The following ANK2 variants were observed in gnomAD, a reference collection of about 807,000 sequenced individuals.
ANK2 encodes the protein ankyrin-2.
Under a neutral mutation model 360.5 loss-of-function variants are expected in ANK2, and 83 were observed. The observed-to-expected ratio is 0.23, with a 90% confidence interval of 0.19 to 0.28. ANK2 has a LOEUF of 0.28. ANK2 is among the 10% of genes least tolerant of loss of function. The pLI is 1.00. For missense variants in ANK2, 4,201 were observed against 4,795.7 expected (o/e 0.88, Z 3.66); for synonymous variants, 1,740 against 1,759.5 (o/e 0.99, Z 0.28).
intron 2 of ANK2, among the ~76,000 whole-genome samples, chr4:113,023,362 C>T (rs375480081): frequency 4.6e-5 from 7 of 152,236 alleles, no homozygotes; most frequent in African/African-American, 1.2e-4. Context: ...ACCTCAGCCC[C>T]GTCTGTGTCC....
At chr4:113,218,016 A>G (rs2153476185) in intron 4 of ANK2, among the ~76,000 whole-genome samples, 2 of 152,310 alleles carry the variant, frequency 1.3e-5, no homozygotes, top group South Asian at 4.1e-4. Flanking sequence ...AGCAGCTTTT[A>G]AAGACCTTGG....
intron 2 of ANK2, among the ~76,000 whole-genome samples, chr4:113,178,644 C>G (rs1380090342): frequency 1.3e-5 from 2 of 150,972 alleles, no homozygotes; most frequent in Admixed American, 6.6e-5. Context: ...TAATACTATT[C>G]AAGACAGTAT....
chr4:113,108,131 G>A (rs370414562), intron 1 of ANK2, among the ~76,000 whole-genome samples: 2 of 152,070 alleles, frequency 1.3e-5, no homozygotes, highest in Non-Finnish European at 2.9e-5. Flanking sequence ...TTGGGGTTTA[G>A]CTTTGTGTTT....
the ANK2 span, among the ~76,000 whole-genome samples, chr4:112,719,440 A>C: frequency 3.4e-3 from 525 of 152,220 alleles, 2 homozygotes; most frequent in Admixed American, 7.1e-3. Flanking sequence ...TAAAGAAGGT[A>C]TAATTCGGCC....
At chr4:113,238,527 T>G (rs181425454) in intron 7 of ANK2, among the ~76,000 whole-genome samples, 2 of 152,318 alleles carry the variant, frequency 1.3e-5, no homozygotes, top group African/African-American at 4.8e-5. Flanking sequence ...AAAGCCCAAC[T>G]GCTTGGTGAA....
chr4:113,344,976 C>G (rs1297203333), intron 34 of ANK2, among the ~76,000 whole-genome samples: 1 of 152,020 alleles, frequency 6.6e-6, no homozygotes, highest in African/African-American at 2.4e-5. Context: ...TTAACAAGTT[C>G]TAAAGATGGA....
the ANK2 span, among the ~76,000 whole-genome samples, chr4:112,709,826 A>T: frequency 6.6e-6 from 1 of 152,206 alleles, no homozygotes; most frequent in Non-Finnish European, 1.5e-5. Context: ...GATGGGTGTT[A>T]TCATGGCATT....
Position 113,325,746 on chromosome 4 carries a change from G to A in ANK2, c.2901-4500G>A, listed in dbSNP as rs114476657. Among the ~76,000 whole-genome samples the A allele has an allele frequency of 8.9e-3, 1,347 of 152,174 alleles. 13 individuals carry two copies. The highest frequency in any genetic ancestry group is 0.031 in the African/African-American group (1,272 of 41,520). On this transcript the variant is annotated intron_variant, in intron 26 of 45. Coordinates refer to ENST00000357077, the MANE Select transcript of ANK2 (RefSeq NM_001148.6). ...AGATATTTAAAATATGTAAAATCCC[G>A]TAAGTGTAGAGAAAGGAAGATGATG...
At chr4:112,757,139 T>C in the ANK2 span, among the ~76,000 whole-genome samples, 1 of 145,454 alleles carries the variant, frequency 6.9e-6, no homozygotes, top group African/African-American at 2.6e-5. Context: ...TGATACGGAG[T>C]TTTGCTCTTG....
chr4:112,975,407 A>G (rs1042573744), intron 2 of ANK2, among the ~76,000 whole-genome samples: 2 of 152,326 alleles, frequency 1.3e-5, no homozygotes, highest in East Asian at 1.9e-4. Context: ...TGAGGTATAT[A>G]TGAAGGTTAC....
At chr4:113,026,116 C>T (rs1369496451) in intron 2 of ANK2, among the ~76,000 whole-genome samples, 1 of 152,074 alleles carries the variant, frequency 6.6e-6, no homozygotes, top group African/African-American at 2.4e-5. Context: ...AACACAAATG[C>T]CGTAATACGT....
At chr4:113,043,965 C>T (rs2063617748) in intron 2 of ANK2, among the ~76,000 whole-genome samples, 1 of 152,106 alleles carries the variant, frequency 6.6e-6, no homozygotes, top group African/African-American at 2.4e-5. Context: ...TTCTGATCTC[C>T]CTGTAATTCC....
chr4:113,261,756 A>G (rs1362840290), intron 13 of ANK2, among the ~76,000 whole-genome samples: 1 of 152,180 alleles, frequency 6.6e-6, no homozygotes, highest in Admixed American at 6.6e-5. Flanking sequence ...ATTAGATTCT[A>G]TATCTAACTC....
the ANK2 span, among the ~76,000 whole-genome samples, chr4:112,711,569 C>T: frequency 6.6e-6 from 1 of 151,922 alleles, no homozygotes; most frequent in African/African-American, 2.4e-5. Context: ...GTAATCCCAG[C>T]ACTTTGGGAG....
the ANK2 span, among the ~76,000 whole-genome samples, chr4:112,731,543 A>G: frequency 2.0e-5 from 3 of 152,006 alleles, no homozygotes; most frequent in African/African-American, 7.3e-5. Flanking sequence ...CAGACTGAGC[A>G]ATAAAATAAG....
At position 113,258,506 on chromosome 4, in the gene ANK2, G is replaced by A. The variant is rs540721151; in HGVS notation, c.1386+95G>A. The A allele has an allele frequency of 3.4e-4, 419 of 1,226,300 alleles. 4 individuals are homozygous for A. The South Asian group carries it at 4.5e-3, about 13-fold the overall frequency. The allele number at this position is 1,226,300 out of a possible 1,614,324, so 76.0% of individuals were successfully genotyped here. ...TATGTGTGTTTGCGTGTATGTCATC[G>A]AAGTAAGCAACCAAGCTTTGAGAAG... On this transcript the variant is annotated intron_variant, in intron 13 of 45. Coordinates refer to ENST00000357077, the MANE Select transcript of ANK2 (RefSeq NM_001148.6).
intron 14 of ANK2, among the ~76,000 whole-genome samples, chr4:113,270,961 T>C (rs2058268101): frequency 6.6e-6 from 1 of 152,218 alleles, no homozygotes; most frequent in African/African-American, 2.4e-5. Flanking sequence ...TTAGAATTCA[T>C]CAAGCATTTA....
At chr4:113,266,693 C>G (rs1231614466) in intron 14 of ANK2, among the ~76,000 whole-genome samples, 1 of 152,226 alleles carries the variant, frequency 6.6e-6, no homozygotes, top group Non-Finnish European at 1.5e-5. Context: ...GCCTGACCAA[C>G]ATGGAGAAAC....
intron 2 of ANK2, among the ~76,000 whole-genome samples, chr4:112,923,235 G>C (rs1022755968): frequency 1.3e-5 from 2 of 152,044 alleles, no homozygotes; most frequent in Non-Finnish European, 2.9e-5. Flanking sequence ...TTTAAAAATT[G>C]CTCTAAGGGA....
Sources: gnomAD v4.1 joint callset for allele counts (sites outside exome capture counted in the v4.1 genomes callset) on GRCh38, gnomAD v4.1.1 for gene constraint, MANE v1.5 for transcripts, NCBI Gene and HGNC (gene_info 2026-07-23, HGNC 2026-07-21) for gene names.